The following ADAMTS3 variants were observed in gnomAD, a reference collection of about 807,000 sequenced individuals.
ADAMTS3 encodes the protein A disintegrin and metalloproteinase with thrombospondin motifs 3.
ADAMTS3 carries 73 observed loss-of-function variants against 129.0 expected under a neutral mutation model. The ratio of observed to expected loss-of-function variants is 0.57; its 90% CI spans 0.47 to 0.69. The LOEUF (loss-of-function observed/expected upper bound fraction) is 0.69. Among genes scored for constraint, ADAMTS3 ranks in the 30% least tolerant of loss-of-function variants. The probability of loss-of-function intolerance (pLI) is 0.00; values close to 1 mark genes in which losing one functional copy is unlikely to be tolerated. For synonymous variants in ADAMTS3, 477 were observed against 510.8 expected, an observed-to-expected ratio of 0.93 and a Z score of 0.89; for missense variants, 1,457 against 1,514.5, an observed-to-expected ratio of 0.96 and a Z score of 0.63.
Position 72,530,136 on chromosome 4 carries a change from A to ATAATATATAT in ADAMTS3, c.504+18341_504+18342insATATATATTA, listed in dbSNP as rs1553921146. The stretch of plus-strand genomic sequence containing the variant: ...TATATATTATGTATTATAATATAAT[A>ATAATATATAT]TATATTATATATTAAATTATATTAT... On this transcript the variant is annotated intron_variant, in intron 3 of 21. Transcript: ENST00000286657. Among the ~76,000 whole-genome samples, 12 of 25,166 alleles carry ATAATATATAT rather than the reference A, an allele frequency of 4.8e-4. 5 individuals carry two copies. In the South Asian group the frequency reaches 0.028, roughly 59 times the overall value. 16.5% of individuals were successfully genotyped at this position (25,166 alleles called of 152,430 possible).
At chr4:72,465,495 G>A (rs1005337167) in intron 3 of ADAMTS3, among the ~76,000 whole-genome samples, 3 of 151,884 alleles carry the variant, frequency 2.0e-5, no homozygotes, top group African/African-American at 2.4e-5. Context: ...AAGTGGGGGC[G>A]ATATGATCTG....
At chr4:72,287,900 C>T (rs1281122928) in intron 21 of ADAMTS3, among the ~76,000 whole-genome samples, 2 of 152,198 alleles carry the variant, frequency 1.3e-5, no homozygotes, top group Non-Finnish European at 2.9e-5. Context: ...GAGTCTCACT[C>T]TGTCACCCAG....
chr4:72,546,140 T>C (rs1385145925), intron 3 of ADAMTS3, among the ~76,000 whole-genome samples: 1 of 152,182 alleles, frequency 6.6e-6, no homozygotes, highest in Non-Finnish European at 1.5e-5. Context: ...CACAAAGACT[T>C]CATTTAGTCC....
At chr4:72,563,665 T>C (rs933541450) in intron 2 of ADAMTS3, among the ~76,000 whole-genome samples, 2 of 152,174 alleles carry the variant, frequency 1.3e-5, no homozygotes, top group African/African-American at 2.4e-5. Context: ...CTTGATAACA[T>C]TGAATAATTA....
At chr4:72,437,703 T>C (rs1342067457) in intron 3 of ADAMTS3, among the ~76,000 whole-genome samples, 2 of 151,694 alleles carry the variant, frequency 1.3e-5, no homozygotes, top group South Asian at 2.1e-4. Flanking sequence ...GAAACAATAA[T>C]AGAATGGGCT....
chr4:72,310,358 C>A (rs191079129), intron 14 of ADAMTS3, among the ~76,000 whole-genome samples: 1 of 151,974 alleles, frequency 6.6e-6, no homozygotes. Context: ...GGTACTGCGG[C>A]AGGTAAAAGC....
intron 3 of ADAMTS3, among the ~76,000 whole-genome samples, chr4:72,502,280 T>C (rs1720046597): frequency 6.6e-6 from 1 of 152,142 alleles, no homozygotes; most frequent in South Asian, 2.1e-4. Flanking sequence ...TTATTGCTGA[T>C]TGAATATTGG....
chr4:72,399,667 A>T (rs1045174454), intron 4 of ADAMTS3, among the ~76,000 whole-genome samples: 1 of 149,886 alleles, frequency 6.7e-6, no homozygotes, highest in Non-Finnish European at 1.5e-5. Flanking sequence ...AACTTAGAAA[A>T]CTGTCAAGAA....
intron 17 of ADAMTS3, among the ~76,000 whole-genome samples, chr4:72,301,928 C>T (rs1483141959): frequency 6.6e-6 from 1 of 151,972 alleles, no homozygotes; most frequent in East Asian, 1.9e-4. Context: ...TCTGTGTATG[C>T]TCAAGCCAAG....
At chr4:72,379,701 G>A (rs1000713371) in intron 4 of ADAMTS3, among the ~76,000 whole-genome samples, 1 of 152,012 alleles carries the variant, frequency 6.6e-6, no homozygotes, top group Admixed American at 6.6e-5. Context: ...TTAGTTTTCT[G>A]GCAAATCTGT....
intron 4 of ADAMTS3, among the ~76,000 whole-genome samples, chr4:72,388,189 C>T (rs975673868): frequency 1.3e-5 from 2 of 152,208 alleles, no homozygotes; most frequent in Admixed American, 6.5e-5. Context: ...GGCTTGGACC[C>T]CAGCCCACTG....
chr4:72,364,002 TG>T (rs1720798274), intron 4 of ADAMTS3, among the ~76,000 whole-genome samples: 3 of 152,158 alleles, frequency 2.0e-5, no homozygotes, highest in African/African-American at 7.2e-5. Context: ...TACATGAAAA[TG>T]ATGGCTACCC....
At position 72,320,723 on chromosome 4, in the gene ADAMTS3, C is replaced by T; in HGVS notation, c.1093G>A (p.Gly365Arg). The T allele has an allele frequency of 1.2e-6, 2 of 1,613,118 alleles. No homozygotes were observed. Among genetic ancestry groups the T allele is most frequent in the East Asian group, 2.2e-5 (1 of 44,830 alleles). ...FLTRQDFGPAGMQGYAPVTGM... is the reference protein window; with the variant it reads ...FLTRQDFGPARMQGYAPVTGM... ...ATATTGACAGCAATACCTTGCATTC[C>T]AGCAGGTCCAAAGTCTTGCCTGGTT... is the stretch of plus-strand genomic sequence containing the variant. The change falls in exon 7 of 22, where the codon GGA becomes AGA. Residue 365 changes from glycine to arginine, a missense_variant. By Grantham distance (125) the Gly-to-Arg change is moderately radical. Transcript: ENST00000286657.
At chr4:72,316,603 G>A (rs905534380) in intron 10 of ADAMTS3, among the ~76,000 whole-genome samples, 8 of 151,886 alleles carry the variant, frequency 5.3e-5, no homozygotes, top group South Asian at 2.1e-4. Context: ...CAGGAGAATC[G>A]CTGGAACCCA....
intron 3 of ADAMTS3, among the ~76,000 whole-genome samples, chr4:72,437,611 A>ACT (rs1296508260): frequency 1.3e-5 from 2 of 151,768 alleles, no homozygotes; most frequent in Non-Finnish European, 2.9e-5. Context: ...TGTTGTCAAC[A>ACT]ATTTTCCCCA....
At chr4:72,345,653 C>A (rs1156408684) in intron 4 of ADAMTS3, among the ~76,000 whole-genome samples, 1 of 152,040 alleles carries the variant, frequency 6.6e-6, no homozygotes, top group East Asian at 1.9e-4. Flanking sequence ...AAAGACATAA[C>A]CATTGAGTGA....
At chr4:72,466,408 G>A (rs1394382422) in intron 3 of ADAMTS3, among the ~76,000 whole-genome samples, 2 of 152,078 alleles carry the variant, frequency 1.3e-5, no homozygotes, top group East Asian at 3.9e-4. Flanking sequence ...TCTAACTGCT[G>A]TTTGGAGAAA....
intron 5 of ADAMTS3, among the ~76,000 whole-genome samples, chr4:72,338,983 A>T (rs1416538107): frequency 6.6e-6 from 1 of 152,208 alleles, no homozygotes; most frequent in Non-Finnish European, 1.5e-5. Flanking sequence ...TATGCTTTGT[A>T]TTAATAAATA....
intron 3 of ADAMTS3, among the ~76,000 whole-genome samples, chr4:72,501,643 G>C (rs1227159720): frequency 1.3e-5 from 2 of 152,200 alleles, no homozygotes; most frequent in Non-Finnish European, 2.9e-5. Flanking sequence ...AGGACTCCCA[G>C]TACTATGTTG....
Sources: gnomAD v4.1 joint callset for allele counts (sites outside exome capture counted in the v4.1 genomes callset) on GRCh38, gnomAD v4.1.1 for gene constraint, MANE v1.5 for transcripts, NCBI Gene and HGNC (gene_info 2026-07-23, HGNC 2026-07-21) for gene names.